Variants in KAZN observed in about 807,000 individuals in gnomAD.
KAZN encodes the protein kazrin.
A neutral mutation model predicts 87.4 loss-of-function variants in KAZN; 40 were observed. The observed-to-expected ratio is 0.46, with a 90% CI of 0.36 to 0.60. The LOEUF is 0.60. Among genes scored for constraint, KAZN ranks in the 20% least tolerant of loss-of-function variants. The probability of loss-of-function intolerance (pLI) is 0.00; values close to 1 mark genes in which losing one functional copy is unlikely to be tolerated. For missense variants in KAZN, 898 were observed against 1,073.9 expected (o/e 0.84, Z 2.29); for synonymous variants, 466 against 458.3 (o/e 1.02, Z -0.22).
chr1:14,415,924 T>A (rs1190528043), intron 2 of KAZN, among the ~76,000 whole-genome samples: 1 of 152,118 alleles, frequency 6.6e-6, no homozygotes, highest in Non-Finnish European at 1.5e-5. Context: ...GATGTCACTT[T>A]CAGTCTGGCA....
chr1:14,314,416 T>C (rs571500478), intron 2 of KAZN, among the ~76,000 whole-genome samples: 1 of 152,196 alleles, frequency 6.6e-6, no homozygotes, highest in Non-Finnish European at 1.5e-5. Context: ...TTTATCTTCA[T>C]TGACCTCATT....
chr1:14,456,140 G>A (rs1303354801), intron 2 of KAZN, among the ~76,000 whole-genome samples: 1 of 152,210 alleles, frequency 6.6e-6, no homozygotes, highest in Admixed American at 6.5e-5. Flanking sequence ...CTTCGTATTT[G>A]TGTGTTAGTT....
intron 2 of KAZN, among the ~76,000 whole-genome samples, chr1:14,369,601 G>A (rs1660305472): frequency 1.3e-5 from 2 of 152,208 alleles, no homozygotes; most frequent in African/African-American, 2.4e-5. Flanking sequence ...GCCATGATGG[G>A]TTGCGAATGA....
At chr1:14,432,158 G>C (rs1666109337) in intron 2 of KAZN, among the ~76,000 whole-genome samples, 1 of 152,184 alleles carries the variant, frequency 6.6e-6, no homozygotes, top group Admixed American at 6.5e-5. Context: ...TGGAGAAGCA[G>C]CTACACACCC....
At chr1:14,206,467 C>T (rs536224809) in intron 2 of KAZN, among the ~76,000 whole-genome samples, 1 of 152,188 alleles carries the variant, frequency 6.6e-6, no homozygotes, top group South Asian at 2.1e-4. Flanking sequence ...AAAGTGGACT[C>T]TTTGGTGATT....
intron 2 of KAZN, among the ~76,000 whole-genome samples, chr1:14,444,390 G>A (rs903178477): frequency 2.3e-5 from 3 of 129,278 alleles, no homozygotes; most frequent in Non-Finnish European, 3.1e-5. Context: ...TTGGCTCACC[G>A]CAACCTCCAC....
intron 2 of KAZN, among the ~76,000 whole-genome samples, chr1:14,336,200 T>A (rs190176763): frequency 6.6e-6 from 1 of 152,354 alleles, no homozygotes; most frequent in East Asian, 1.9e-4. Flanking sequence ...TCTAGATAGT[T>A]CATATAAATG....
chr1:14,802,642 C>T (rs1009047301), intron 1 of KAZN, among the ~76,000 whole-genome samples: 2 of 152,216 alleles, frequency 1.3e-5, no homozygotes, highest in Non-Finnish European at 2.9e-5. Context: ...CCTGTGCTTC[C>T]ACGATCAGGG....
intron 2 of KAZN, among the ~76,000 whole-genome samples, chr1:14,406,368 G>C (rs778641731): frequency 6.6e-6 from 1 of 152,136 alleles, no homozygotes; most frequent in East Asian, 1.9e-4. Flanking sequence ...CATAAAAAAA[G>C]AATGAGTTAA....
At chr1:14,708,439 CA>C (rs1224480374) in intron 1 of KAZN, among the ~76,000 whole-genome samples, 3 of 151,964 alleles carry the variant, frequency 2.0e-5, no homozygotes, top group Admixed American at 6.6e-5. Context: ...CACCAAAGCA[CA>C]AAAAAAACTT....
intron 2 of KAZN, among the ~76,000 whole-genome samples, chr1:14,203,012 C>T (rs1394210953): frequency 2.6e-5 from 4 of 152,086 alleles, no homozygotes; most frequent in East Asian, 1.9e-4. Context: ...AGCAAAACTC[C>T]GTCTCAAAAA....
intron 1 of KAZN, among the ~76,000 whole-genome samples, chr1:14,100,611 C>T (rs1372856913): frequency 1.3e-5 from 2 of 152,208 alleles, no homozygotes; most frequent in Admixed American, 1.3e-4. Flanking sequence ...GGAATCTCTT[C>T]AGAGACTCAG....
chr1:14,626,505 C>T lies in KAZN; in HGVS notation c.226+27282C>T, dbSNP rs554185888. Among the ~76,000 whole-genome samples, 11 of 152,258 alleles carry T rather than the reference C, an allele frequency of 7.2e-5. No individual in the cohort carries two copies. In the South Asian group the frequency reaches 1.7e-3, roughly 23 times the overall value. ...ATGGGTCCAGGTCAAGTGCCTTGCC[C>T]GGGGTTACCATCCCGGCTGGGGGTC... On this transcript the variant is annotated intron_variant, in intron 1 of 14. Transcript: ENST00000376030.
chr1:14,138,170 A>G (rs4662116), intron 1 of KAZN, among the ~76,000 whole-genome samples: 84,076 of 151,520 alleles, frequency 0.55, 24,708 homozygotes, highest in East Asian at 0.72. Context: ...GCCCACATCC[A>G]ACAAACTATA....
chr1:13,958,298 C>A (rs564230388), intron 1 of KAZN, among the ~76,000 whole-genome samples: 1 of 152,074 alleles, frequency 6.6e-6, no homozygotes, highest in Non-Finnish European at 1.5e-5. Context: ...TGGCTGGGTG[C>A]GGTGGCTCAC....
intron 2 of KAZN, among the ~76,000 whole-genome samples, chr1:14,213,284 G>A (rs1646892808): frequency 6.6e-6 from 1 of 152,186 alleles, no homozygotes; most frequent in Admixed American, 6.5e-5. Flanking sequence ...GGGTCATGCA[G>A]AGTCCTTCTC....
chr1:14,436,345 A>T (rs960851171), intron 2 of KAZN, among the ~76,000 whole-genome samples: 1 of 151,456 alleles, frequency 6.6e-6, no homozygotes, highest in Non-Finnish European at 1.5e-5. Flanking sequence ...GATGATGATG[A>T]CCATGGCAGT....
intron 1 of KAZN, among the ~76,000 whole-genome samples, chr1:14,141,618 C>G (rs1645241999): frequency 6.6e-6 from 1 of 152,124 alleles, no homozygotes; most frequent in Non-Finnish European, 1.5e-5. Flanking sequence ...AGAGGGGAAA[C>G]AGCCTGAAAG....
intron 6 of KAZN, chr1:15,060,523 G>T: frequency 1.6e-6 from 1 of 617,688 alleles, no homozygotes; most frequent in Non-Finnish European, 2.7e-6. Context: ...GGAGGGTGAG[G>T]AGAATCCAGA....
Sources: allele counts gnomAD v4.1 joint callset (sites outside exome capture counted in the v4.1 genomes callset), GRCh38; gene constraint gnomAD v4.1.1; transcripts MANE v1.5; gene names NCBI Gene and HGNC (gene_info 2026-07-23, HGNC 2026-07-21).